Variants in NFKBIE observed in about 807,000 individuals in gnomAD.
NFKBIE encodes NFKB inhibitor epsilon.
A neutral mutation model predicts 31.6 loss-of-function variants in NFKBIE; 11 were observed. That is an observed-to-expected ratio of 0.35 (90% CI 0.22 to 0.58). NFKBIE has a LOEUF of 0.58. Ranked by LOEUF, NFKBIE falls within the 20% of genes least tolerant of loss-of-function variation. The pLI, the probability that NFKBIE is intolerant of heterozygous loss-of-function variation, is 0.83. For missense variants in NFKBIE, 354 were observed against 465.7 expected, an observed-to-expected ratio of 0.76 and a Z score of 2.21; for synonymous variants, 208 against 210.1, an observed-to-expected ratio of 0.99 and a Z score of 0.09.
In NFKBIE at chr6:44,262,569, G is replaced by A. The variant is rs1421920553; in HGVS notation, c.459C>T (p.Asn153=). 2 of 1,613,764 alleles carry A rather than the reference G, an allele frequency of 1.2e-6. No homozygotes were observed. The highest frequency in any genetic ancestry group is 1.3e-5 in the African/African-American group (1 of 74,928). The change falls in exon 2 of 6, where the codon AAC becomes AAT. Residue 153 remains asparagine, a synonymous_variant. Transcript: ENST00000619360. ...TTCTCTCGCCACCAACCTGGTAAAG[G>A]TTATTTTGAATGTCCAGGACCTCCT... ...LPQEVLDIQN[N]LYQTALHLAV... is the part of the protein sequence containing the mutation.
rs1462928894 is a variant in NFKBIE, at chr6:44,261,759, C to T, written c.558G>A (p.Arg186=). Residue 186 remains arginine, a synonymous_variant, in exon 3 of 6, where the codon CGG becomes CGA. Coordinates refer to ENST00000619360, the MANE Select transcript of NFKBIE (RefSeq NM_004556.3). This position sits in a 1 kb window ranked among gnomAD's most constrained non-coding sequence, Gnocchi z 4.3. Reference sequence around the variant, plus strand: ...CCACATGAAGGGCTGTGTCACCATGCCGGTCCTGTAGTGCCCGGCTGGCCC... The same window carrying T: ...CCACATGAAGGGCTGTGTCACCATGTCGGTCCTGTAGTGCCCGGCTGGCCC... ...LKGASRALQD[R]HGDTALHVAC... is the part of the protein sequence containing the mutation. 6.2e-7 allele frequency: 1 copy of T among 1,613,968 alleles called. No homozygotes were observed. Among genetic ancestry groups the T allele is most frequent in the Non-Finnish European group, 8.5e-7 (1 of 1,180,018 alleles).
chr6:44,262,678 C>A lies in NFKBIE; in HGVS notation c.366-16G>T, dbSNP rs375213575. On this transcript the variant is annotated splice_polypyrimidine_tract_variant and intron_variant, in intron 1 of 5. Coordinates refer to ENST00000619360, the MANE Select transcript of NFKBIE (RefSeq NM_004556.3). ...GTGGACCAGCCTAGGGGAGCAGAGGCGGGGCTTAGAGTTAAGGGCCCAGGC... is the reference window on the plus strand; with the variant it reads ...GTGGACCAGCCTAGGGGAGCAGAGGAGGGGCTTAGAGTTAAGGGCCCAGGC... The A allele has an allele frequency of 1.9e-6, 3 of 1,609,692 alleles. No individual in the cohort carries two copies. The Admixed American group carries it at 5.0e-5, about 27-fold the overall frequency.
At chr6:44,264,134 G>A (rs1782026875) in intron 1 of NFKBIE, among the ~76,000 whole-genome samples, 1 of 152,124 alleles carries the variant, frequency 6.6e-6, no homozygotes, top group African/African-American at 2.4e-5. Flanking sequence ...CCTTGACCAG[G>A]GATTCCAGCC....
rs1464120389 is a variant in NFKBIE, at chr6:44,258,491, G to C, written c.*728C>G. ...CCATCCCTCATCATTTCCACAGCAA[G>C]GACAAGGGTCTGTGCTGGACACAGA... is the stretch of plus-strand genomic sequence containing the variant. On this transcript the variant is annotated 3_prime_UTR_variant, in exon 6 of 6. Coordinates refer to ENST00000619360, the MANE Select transcript of NFKBIE (RefSeq NM_004556.3). 6.6e-6 allele frequency: 1 copy of C among 152,354 alleles called. No individual in the cohort carries two copies. Among genetic ancestry groups the C allele is most frequent in the Non-Finnish European group, 1.5e-5 (1 of 68,184 alleles). The allele number at this position is 152,354 out of a possible 1,614,324, so 9.4% of individuals were successfully genotyped here.
chr6:44,262,679 G>A lies in NFKBIE; in HGVS notation c.366-17C>T, dbSNP rs374284443. Reference sequence around the variant, plus strand: ...TGGACCAGCCTAGGGGAGCAGAGGCGGGGCTTAGAGTTAAGGGCCCAGGCC... The same window carrying A: ...TGGACCAGCCTAGGGGAGCAGAGGCAGGGCTTAGAGTTAAGGGCCCAGGCC... On this transcript the variant is annotated splice_polypyrimidine_tract_variant and intron_variant, in intron 1 of 5. Coordinates refer to ENST00000619360, the MANE Select transcript of NFKBIE (RefSeq NM_004556.3). The A allele has an allele frequency of 2.3e-5, 37 of 1,607,180 alleles. No homozygotes were observed. The highest frequency in any genetic ancestry group is 5.3e-5 in the African/African-American group (4 of 74,830).
rs768979327 is a variant in NFKBIE, at chr6:44,261,466, TC to T, written c.691+159del. On this transcript the variant is annotated intron_variant, in intron 3 of 5. Coordinates refer to ENST00000619360, the MANE Select transcript of NFKBIE (RefSeq NM_004556.3). The surrounding 1 kb of genome is among the most constrained non-coding windows in gnomAD (Gnocchi z 4.3). The stretch of plus-strand genomic sequence containing the variant: ...TTAAATTCGAAATCAAATCATCCAT[TC>T]ATTCATTTGGCAAAGATGTACTGAA... Among the ~76,000 whole-genome samples, 69 of 152,350 alleles carry T rather than the reference TC, an allele frequency of 4.5e-4. No homozygotes were observed. The highest frequency in any genetic ancestry group is 8.3e-4 in the South Asian group (4 of 4,828).
At position 44,260,254 on chromosome 6, in the gene NFKBIE, T is replaced by G; in HGVS notation, c.809A>C (p.His270Pro). 1 of 1,612,710 alleles carries G rather than the reference T, an allele frequency of 6.2e-7. No homozygotes were observed. Among genetic ancestry groups the G allele is most frequent in the Non-Finnish European group, 8.5e-7 (1 of 1,178,832 alleles). Residue 270 changes from histidine to proline, a missense_variant, in exon 5 of 6, where the codon CAC becomes CCC. This residue lies in a region of NFKBIE where 183 missense variants were observed against 310.6 expected (regional missense o/e 0.59). Transcript: ENST00000619360. The surrounding 1 kb of genome is among the most constrained non-coding windows in gnomAD (Gnocchi z 5.5). ...CCGCTCTTGGGTTTCCACAGCCAGG[T>G]GCAGCGCTGTCTTACCACTGGTGCC... ...QEGTSGKTAL[H>P]LAVETQERGL...
chr6:44,258,494 C>T lies in NFKBIE; in HGVS notation c.*725G>A, dbSNP rs1781761520. On this transcript the variant is annotated 3_prime_UTR_variant, in exon 6 of 6. Coordinates refer to ENST00000619360, the MANE Select transcript of NFKBIE (RefSeq NM_004556.3). Reference sequence around the variant, plus strand: ...TCCCTCATCATTTCCACAGCAAGGACAAGGGTCTGTGCTGGACACAGAGAA... The same window carrying T: ...TCCCTCATCATTTCCACAGCAAGGATAAGGGTCTGTGCTGGACACAGAGAA... 3 of 152,354 alleles carry T rather than the reference C, an allele frequency of 2.0e-5. No homozygotes were observed. Among genetic ancestry groups the T allele is most frequent in the Admixed American group, 2.0e-4 (3 of 15,278 alleles). 9.4% of individuals were successfully genotyped at this position (152,354 alleles called of 1,614,324 possible).
rs1782071034 is a variant in NFKBIE, at chr6:44,265,073, C to G, written c.274G>C (p.Asp92His). The G allele has an allele frequency of 6.4e-7, 1 of 1,564,900 alleles. No individual in the cohort carries two copies. The highest frequency in any genetic ancestry group is 8.7e-7 in the Non-Finnish European group (1 of 1,153,818). Residue 92 changes from aspartate (D) to histidine (H), a missense_variant, in exon 1 of 6, where the codon GAC (aspartate) becomes CAC (histidine). Asp to His is a moderately conservative substitution (Grantham distance 81). This residue lies in a region of NFKBIE where 171 missense variants were observed against 155.1 expected (regional missense o/e 1.10). Coordinates refer to ENST00000619360, the MANE Select transcript of NFKBIE (RefSeq NM_004556.3). ...LSLLGGPEAE[D>H]PAPRLPLPHV... ...GGGAGTGGCAGGCGTGGGGCCGGGT[C>G]CTCAGCCTCGGGGCCCCCCAGCAAG...
Position 44,260,077 on chromosome 6 carries a change from A to G in NFKBIE, c.986T>C (p.Val329Ala). The G allele has an allele frequency of 6.2e-7, 1 of 1,614,180 alleles. No homozygotes were observed. Among genetic ancestry groups the G allele is most frequent in the Non-Finnish European group, 8.5e-7 (1 of 1,180,014 alleles). Reference protein sequence around the residue: ...KAGADSLLRNVEDETPQDLTE... With the variant: ...KAGADSLLRNAEDETPQDLTE... ...CAGGTCCTGGGGCGTCTCATCCTCC[A>G]CATTCCGCAGCAGGGAGTCAGCACC... is the stretch of plus-strand genomic sequence containing the variant. Residue 329 changes from valine to alanine, a missense_variant, in exon 5 of 6, where the codon GTG (valine) becomes GCG (alanine). Val to Ala is a moderately conservative substitution (Grantham distance 64, BLOSUM62 0). This residue lies in a region of NFKBIE where 183 missense variants were observed against 310.6 expected (regional missense o/e 0.59). Coordinates refer to ENST00000619360, the MANE Select transcript of NFKBIE (RefSeq NM_004556.3). This position sits in a 1 kb window ranked among gnomAD's most constrained non-coding sequence, Gnocchi z 5.5.
chr6:44,259,001 C>T lies in NFKBIE; in HGVS notation c.*218G>A. On this transcript the variant is annotated 3_prime_UTR_variant, in exon 6 of 6. Transcript: ENST00000619360. ...GGGGCTTTGGGGGTCTTCCAAGAAG[C>T]CCTGTCCACCTGGAAAGCTCTTCCT... The T allele has an allele frequency of 2.3e-6, 1 of 434,990 alleles. No homozygotes were observed. The highest frequency in any genetic ancestry group is 4.3e-6 in the Non-Finnish European group (1 of 233,530). The allele number at this position is 434,990 out of a possible 1,614,324, so 26.9% of individuals were successfully genotyped here.
rs376990925 is a variant in NFKBIE, at chr6:44,261,813, C to T, written c.504G>A (p.Pro168=). 4.2e-5 allele frequency: 68 copies of T among 1,612,392 alleles called. 1 individual carries two copies. Among genetic ancestry groups the T allele is most frequent in the Middle Eastern group, 3.8e-4 (2 of 5,332 alleles). Residue 168 remains proline (P), a synonymous_variant, in exon 3 of 6, where the codon CCG becomes CCA. Transcript: ENST00000619360. This position sits in a 1 kb window ranked among gnomAD's most constrained non-coding sequence, Gnocchi z 4.3. ...ALHLAVHLDQ[P]GAVRALVLKG... ...TCAGCACCAGTGCCCGAACTGCGCC[C>T]GGTTGGTCCAGATGTACAGCCAGAT...
Position 44,259,067 on chromosome 6 carries a change from G to A in NFKBIE, c.*152C>T, listed in dbSNP as rs888502722. 21 of 721,762 alleles carry A rather than the reference G, an allele frequency of 2.9e-5. No individual in the cohort carries two copies. The highest frequency in any genetic ancestry group is 6.2e-4 in the Middle Eastern group (2 of 3,218). 44.7% of individuals were successfully genotyped at this position (721,762 alleles called of 1,614,324 possible). A position where few individuals can be genotyped will look rare whatever the true frequency, so the allele number is the denominator to read the frequency against. The stretch of plus-strand genomic sequence containing the variant: ...TTCCACTTGCAGTCCCTCCTCCTCG[G>A]CTCAGGACTGTACTGGCTGGCCCCA... On this transcript the variant is annotated 3_prime_UTR_variant, in exon 6 of 6. Transcript: ENST00000619360.
chr6:44,264,969 C>T lies in NFKBIE; in HGVS notation c.365+13G>A. On this transcript the variant is annotated intron_variant, in intron 1 of 5. Coordinates refer to ENST00000619360, the MANE Select transcript of NFKBIE (RefSeq NM_004556.3). ...GAGTTAGCATCCCGATTCAGCCTAG[C>T]CCCCATACTCACGTGTCTCCGTCCT... 2 of 1,556,464 alleles carry T rather than the reference C, an allele frequency of 1.3e-6. No individual in the cohort carries two copies. The highest frequency in any genetic ancestry group is 1.7e-6 in the Non-Finnish European group (2 of 1,151,168).
chr6:44,261,915 G>T lies in NFKBIE; in HGVS notation c.469-67C>A. ...CTCCCACCTCTGGGAACATGCTTGG[G>T]CTCAAGAATCACCAGCTGCCAGCAT... On this transcript the variant is annotated intron_variant, in intron 2 of 5. Transcript: ENST00000619360. The surrounding 1 kb of genome is among the most constrained non-coding windows in gnomAD (Gnocchi z 4.3). 2 of 1,423,974 alleles carry T rather than the reference G, an allele frequency of 1.4e-6. No individual in the cohort carries two copies. The highest frequency in any genetic ancestry group is 1.9e-6 in the Non-Finnish European group (2 of 1,041,792). 88.2% of individuals were successfully genotyped at this position (1,423,974 alleles called of 1,614,324 possible). A position where few individuals can be genotyped will look rare whatever the true frequency, so the allele number is the denominator to read the frequency against.
Position 44,260,140 on chromosome 6 carries a change from C to T in NFKBIE, c.923G>A (p.Arg308Gln), listed in dbSNP as rs745840298. 6 of 1,614,230 alleles carry T rather than the reference C, an allele frequency of 3.7e-6. No homozygotes were observed. The South Asian group carries it at 4.4e-5, about 12-fold the overall frequency. Residue 308 changes from arginine to glutamine, a missense_variant, in exon 5 of 6, where the codon CGG (arginine) becomes CAG (glutamine). Transcript: ENST00000619360. This position sits in a 1 kb window ranked among gnomAD's most constrained non-coding sequence, Gnocchi z 5.5. Reference protein sequence around the residue: ...GCTPLHLAAGRGLMGISSTLC... With the variant: ...GCTPLHLAAGQGLMGISSTLC... ...AGTGGATGAGATGCCCATGAGACCC[C>T]GGCCAGCTGCCAGGTGCAGGGGTGT...
At chr6:44,259,973 C>G in intron 5 of NFKBIE, 70 bp downstream of exon 5, 1 of 1,563,118 alleles carries the variant, frequency 6.4e-7, no homozygotes, top group East Asian at 2.3e-5. Context: ...CTGGCCCTTT[C>G]AGCTAATGAC....
rs1282405237 is a variant in NFKBIE at position 44,263,266 on chromosome 6, T to C, written c.366-604A>G. On this transcript the variant is annotated intron_variant, in intron 1 of 5. Transcript: ENST00000619360. The surrounding 1 kb of genome is among the most constrained non-coding windows in gnomAD (Gnocchi z 5.0). ...GGGCCTAACAGAGGCCCTCCATTCC[T>C]GTGTGCACCTCCAAGAGGAGGTCTT... Among the ~76,000 whole-genome samples, 1 of 152,124 alleles carries C rather than the reference T, an allele frequency of 6.6e-6. No individual in the cohort carries two copies. The highest frequency in any genetic ancestry group is 1.5e-5 in the Non-Finnish European group (1 of 68,018).
chr6:44,264,831 C>T, intron 1 of NFKBIE, 151 bp downstream of exon 1: 1 of 915,322 alleles, frequency 1.1e-6, no homozygotes, highest in South Asian at 1.5e-5. Context: ...CTAGCTGGAC[C>T]TCAAAAGTGG....
Sources: gnomAD v4.1 joint callset for allele counts (sites outside exome capture counted in the v4.1 genomes callset) on GRCh38, gnomAD v4.1.1 for gene constraint, gnomAD v4.1.1 regional missense constraint, Gnocchi (gnomAD v3.1) non-coding constraint, MANE v1.5 for transcripts, NCBI Gene and HGNC (gene_info 2026-07-23, HGNC 2026-07-21) for gene names.